Variants in ZNF407 observed in about 807,000 individuals in gnomAD.
ZNF407 encodes zinc finger protein 407.
ZNF407 carries 17 observed loss-of-function variants against 131.2 expected under a neutral mutation model. That is an observed-to-expected ratio of 0.13 (90% confidence interval 0.09 to 0.19). The LOEUF (loss-of-function observed/expected upper bound fraction) is 0.19. Ranked by LOEUF, ZNF407 falls within the 10% of genes least tolerant of loss-of-function variation. The pLI is 1.00. For missense variants in ZNF407, 2,681 were observed against 2,830.6 expected (o/e 0.95, Z 1.20); for synonymous variants, 1,156 against 1,062.0 (o/e 1.09, Z -1.72).
In ZNF407 at chr18:74,904,539, C is replaced by A. The variant is rs569861448; in HGVS notation, c.5249+14501C>A. On this transcript the variant is annotated intron_variant, in intron 7 of 8. Coordinates refer to ENST00000299687, the MANE Select transcript of ZNF407 (RefSeq NM_017757.3). ...CAAACTCAAAGTCAGTGGGACTCTT[C>A]CTGAAATGCTAAATTCTGAAGAACT... is the stretch of plus-strand genomic sequence containing the variant. 2.5e-4 allele frequency among the ~76,000 whole-genome samples: 38 copies of A among 152,280 alleles called. 1 individual carries two copies. The highest frequency in any genetic ancestry group is 8.9e-4 in the African/African-American group (37 of 41,554).
chr18:74,876,511 A>C (rs116195324), intron 4 of ZNF407, among the ~76,000 whole-genome samples: 1 of 152,334 alleles, frequency 6.6e-6, no homozygotes, highest in African/African-American at 2.4e-5. Context: ...GAAAGGTCTT[A>C]AATGGTAAAC....
chr18:74,604,882 C>A (rs1259516688), intron 1 of ZNF407, among the ~76,000 whole-genome samples: 1 of 152,100 alleles, frequency 6.6e-6, no homozygotes, highest in Admixed American at 6.6e-5. Context: ...AGCATGGTGT[C>A]CCCATCAGAT....
intron 4 of ZNF407, among the ~76,000 whole-genome samples, chr18:74,830,653 G>A (rs140514006): frequency 1.2e-4 from 19 of 152,208 alleles, no homozygotes; most frequent in African/African-American, 3.9e-4. Flanking sequence ...AATGTATGGC[G>A]TATGTATGGT....
chr18:74,725,067 A>G (rs894391463), intron 3 of ZNF407, among the ~76,000 whole-genome samples: 2 of 152,206 alleles, frequency 1.3e-5, no homozygotes, highest in African/African-American at 4.8e-5. Context: ...ATGTTCCTAC[A>G]GTTTTTTGGG....
chr18:74,712,066 T>G (rs1967778368), intron 3 of ZNF407, among the ~76,000 whole-genome samples: 2 of 152,190 alleles, frequency 1.3e-5, no homozygotes, highest in African/African-American at 4.8e-5. Flanking sequence ...TTTTTTGTTG[T>G]GTCTGATTTG....
intron 4 of ZNF407, among the ~76,000 whole-genome samples, chr18:74,783,083 CAG>C (rs1429705744): frequency 6.6e-6 from 1 of 152,110 alleles, no homozygotes; most frequent in Non-Finnish European, 1.5e-5. Context: ...TATGTAGAAA[CAG>C]AACATATTTG....
At chr18:74,727,496 G>A (rs1968186336) in intron 3 of ZNF407, among the ~76,000 whole-genome samples, 3 of 152,190 alleles carry the variant, frequency 2.0e-5, no homozygotes, top group African/African-American at 7.2e-5. Context: ...GACACAGCCT[G>A]TAATGCAGTA....
chr18:74,976,023 T>C (rs1972524331), intron 8 of ZNF407, among the ~76,000 whole-genome samples: 1 of 152,228 alleles, frequency 6.6e-6, no homozygotes, highest in Non-Finnish European at 1.5e-5. Context: ...ATTTAAAATA[T>C]TTCCCATGTA....
chr18:74,757,300 C>T (rs1968986719), intron 3 of ZNF407, among the ~76,000 whole-genome samples: 1 of 151,570 alleles, frequency 6.6e-6, no homozygotes, highest in Admixed American at 6.6e-5. Context: ...TATAAATTTC[C>T]CTGTGTCTAT....
In ZNF407 at chr18:75,022,373, G is replaced by A. The variant is rs1349919104; in HGVS notation, c.5429-40777G>A. On this transcript the variant is annotated intron_variant, in intron 8 of 8. Coordinates refer to ENST00000299687, the MANE Select transcript of ZNF407 (RefSeq NM_017757.3). Reference sequence around the variant, plus strand: ...GTAGCCCAAATATCAAGGGGTTGGGGCCACACAGTCACTTTGACTGTCATT... The same window carrying A: ...GTAGCCCAAATATCAAGGGGTTGGGACCACACAGTCACTTTGACTGTCATT... Among the ~76,000 whole-genome samples the A allele has an allele frequency of 2.0e-5, 3 of 152,142 alleles. No homozygotes were observed. In the East Asian group the frequency reaches 5.8e-4, roughly 29 times the overall value.
At chr18:74,676,362 G>A (rs1986360222) in intron 3 of ZNF407, among the ~76,000 whole-genome samples, 1 of 151,822 alleles carries the variant, frequency 6.6e-6, no homozygotes, top group Non-Finnish European at 1.5e-5. Context: ...AAAGTGCTAG[G>A]ATTATAGGCA....
chr18:74,692,826 A>G (rs1268687933), intron 3 of ZNF407, among the ~76,000 whole-genome samples: 1 of 151,870 alleles, frequency 6.6e-6, no homozygotes, highest in Non-Finnish European at 1.5e-5. Context: ...CCTCCCCCAG[A>G]GCAGTGTCTT....
chr18:74,891,906 A>G (rs547563702), intron 7 of ZNF407, among the ~76,000 whole-genome samples: 167 of 152,158 alleles, frequency 1.1e-3, no homozygotes, highest in Middle Eastern at 3.4e-3. Flanking sequence ...GTTTCAGTAT[A>G]TATTTTATTT....
chr18:74,824,000 A>G (rs566960800), intron 4 of ZNF407, among the ~76,000 whole-genome samples: 4 of 152,234 alleles, frequency 2.6e-5, no homozygotes, highest in East Asian at 1.9e-4. Flanking sequence ...AACAGAAATC[A>G]TAACAAACAG....
chr18:75,064,184 A>G lies in ZNF407; in HGVS notation c.6463A>G (p.Met2155Val), dbSNP rs1973681312. 1 of 1,604,728 alleles carries G rather than the reference A, an allele frequency of 6.2e-7. No individual in the cohort carries two copies. The highest frequency in any genetic ancestry group is 8.5e-7 in the Non-Finnish European group (1 of 1,176,084). Residue 2155 changes from methionine to valine, a missense_variant, in exon 9 of 9, where the codon ATG becomes GTG. Met to Val is a conservative substitution (Grantham distance 21). Around this residue, in one of 6 missense-constraint regions of ZNF407, gnomAD observed 620 missense variants for 583.1 expected, o/e 1.06. Transcript: ENST00000299687. Reference protein sequence around the residue: ...IIVTEELVQAMVQESSGGFSE... With the variant: ...IIVTEELVQAVVQESSGGFSE... ...CGTGACGGAGGAGCTGGTCCAGGCC[A>G]TGGTGCAGGAGTCCAGTGGCGGCTT...
In ZNF407 at chr18:74,776,064, C is replaced by G. The variant is rs143122101; in HGVS notation, c.4803-5364C>G. On this transcript the variant is annotated intron_variant, in intron 3 of 8. Transcript: ENST00000299687. ...GCAGGAACGCAGAATCAAACCATAT[C>G]AATACCTAATCCCCAGTGCCATAGT... is the stretch of plus-strand genomic sequence containing the variant. 5.3e-5 allele frequency among the ~76,000 whole-genome samples: 8 copies of G among 152,272 alleles called. No homozygotes were observed. In the East Asian group the frequency reaches 1.5e-3, roughly 29 times the overall value.
At chr18:74,677,724 T>G (rs1200633232) in intron 3 of ZNF407, among the ~76,000 whole-genome samples, 2 of 152,168 alleles carry the variant, frequency 1.3e-5, no homozygotes, top group Non-Finnish European at 2.9e-5. Flanking sequence ...ATTTTAAAGT[T>G]TGTTTTTGAT....
intron 3 of ZNF407, among the ~76,000 whole-genome samples, chr18:74,682,566 A>G (rs550889915): frequency 1.2e-4 from 18 of 152,314 alleles, no homozygotes; most frequent in African/African-American, 3.8e-4. Context: ...CCTGGAAGTG[A>G]TCAAAGCAGT....
intron 8 of ZNF407, among the ~76,000 whole-genome samples, chr18:74,963,927 A>G (rs899864060): frequency 6.6e-6 from 1 of 152,230 alleles, no homozygotes; most frequent in Admixed American, 6.5e-5. Flanking sequence ...ATTGCTCTTC[A>G]GAAAGAGAAG....
Sources: gnomAD v4.1 joint callset for allele counts (sites outside exome capture counted in the v4.1 genomes callset) on GRCh38, gnomAD v4.1.1 for gene constraint, gnomAD v4.1.1 regional missense constraint, MANE v1.5 for transcripts, NCBI Gene and HGNC (gene_info 2026-07-23, HGNC 2026-07-21) for gene names.